The following DMD variants were observed in gnomAD, a reference collection of about 807,000 sequenced individuals.
DMD encodes the protein dystrophin.
Under a neutral mutation model 330.1 loss-of-function variants are expected in DMD, and 63 were observed. The observed-to-expected ratio is 0.19, with a 90% CI of 0.16 to 0.24. DMD has a LOEUF of 0.24. Ranked by LOEUF, DMD falls within the 10% of genes least tolerant of loss-of-function variation. DMD has a pLI of 1.00. For synonymous variants in DMD, 1,223 were observed against 959.8 expected (o/e 1.27, Z -5.07); for missense variants, 3,344 against 2,684.1 (o/e 1.25, Z -5.43).
chrX:32,928,322 T>C (rs1299549528), intron 2 of DMD, among the ~76,000 whole-genome samples: 9 of 110,473 alleles, frequency 8.1e-5, no homozygotes. Flanking sequence ...ACTTTGTGAA[T>C]ATGTATGCTC....
At chrX:31,624,662 T>C (rs1314666372) in intron 55 of DMD, among the ~76,000 whole-genome samples, 1 of 111,863 alleles carries the variant, frequency 8.9e-6, no homozygotes, top group Non-Finnish European at 1.9e-5. Flanking sequence ...TCAAAATCTG[T>C]TGGCAGAGCT....
At chrX:32,241,028 T>C (rs371141243) in intron 43 of DMD, among the ~76,000 whole-genome samples, 14 of 112,482 alleles carry the variant, frequency 1.2e-4, no homozygotes, top group Non-Finnish European at 1.9e-4. Flanking sequence ...TTTCATCTCA[T>C]TGACTTGATA....
At chrX:32,949,415 CAGAT>C (rs1378915356) in intron 2 of DMD, among the ~76,000 whole-genome samples, 2 of 109,526 alleles carry the variant, frequency 1.8e-5, no homozygotes, top group Non-Finnish European at 3.8e-5. Context: ...GACAGACAGA[CAGAT>C]AGGCATTTGT....
intron 7 of DMD, among the ~76,000 whole-genome samples, chrX:32,807,356 C>T (rs992626050): frequency 1.8e-5 from 2 of 110,347 alleles, no homozygotes; most frequent in Non-Finnish European, 3.8e-5. Flanking sequence ...CCTGTTTAAG[C>T]GATAAGATGC....
chrX:31,821,386 C>T (rs189558604), intron 49 of DMD, among the ~76,000 whole-genome samples: 1 of 112,221 alleles, frequency 8.9e-6, no homozygotes, highest in East Asian at 2.8e-4. Flanking sequence ...TCTATTACAC[C>T]TAATCAGTTA....
At chrX:31,511,514 G>T (rs868678459) in intron 55 of DMD, among the ~76,000 whole-genome samples, 3,445 of 79,464 alleles carry the variant, frequency 0.043, 239 homozygotes, top group African/African-American at 0.16. Context: ...CCCAGAGTGT[G>T]ATGTTCCCCT....
chrX:32,348,624 C>G, intron 37 of DMD, 96 bp from the exon 38 acceptor site: 5 of 766,207 alleles, frequency 6.5e-6, no homozygotes, highest in Non-Finnish European at 9.4e-6. Context: ...TGTTGCTAAA[C>G]TAATCACATG....
At chrX:32,556,402 G>C (rs939030641) in intron 16 of DMD, among the ~76,000 whole-genome samples, 7 of 111,596 alleles carry the variant, frequency 6.3e-5, no homozygotes, top group Non-Finnish European at 1.1e-4. Context: ...GGAAGACAAT[G>C]CGGAGATTTC....
At chrX:32,565,586 A>T (rs72468691) in intron 16 of DMD, 116 bp downstream of exon 16, 11 of 751,414 alleles carry the variant, frequency 1.5e-5, no homozygotes, top group Non-Finnish European at 2.2e-5. Flanking sequence ...ATTTAACTAA[A>T]CACAGGGCAA....
At chrX:33,010,241 T>C (rs772426888) in intron 2 of DMD, among the ~76,000 whole-genome samples, 2 of 100,017 alleles carry the variant, frequency 2.0e-5, no homozygotes, top group Non-Finnish European at 3.9e-5. Context: ...TATATGTACA[T>C]ATGTGTGTAT....
intron 20 of DMD, among the ~76,000 whole-genome samples, chrX:32,486,655 A>G (rs1428716358): frequency 9.3e-6 from 1 of 108,016 alleles, no homozygotes; most frequent in African/African-American, 3.4e-5. Flanking sequence ...AAACAGAGAT[A>G]TAGATCAATG....
At chrX:32,758,893 C>G (rs923024688) in intron 7 of DMD, among the ~76,000 whole-genome samples, 1 of 111,733 alleles carries the variant, frequency 8.9e-6, no homozygotes, top group Non-Finnish European at 1.9e-5. Flanking sequence ...ACAAAACAGA[C>G]ATGTAAAATG....
intron 63 of DMD, among the ~76,000 whole-genome samples, chrX:31,234,540 A>G (rs1370829706): frequency 1.8e-5 from 2 of 112,412 alleles, no homozygotes; most frequent in East Asian, 5.5e-4. Context: ...CTGCATTTAA[A>G]ATCATCAGTT....
At chrX:32,476,697 C>T (rs978491305) in intron 21 of DMD, among the ~76,000 whole-genome samples, 3 of 111,236 alleles carry the variant, frequency 2.7e-5, no homozygotes, top group Non-Finnish European at 5.7e-5. Flanking sequence ...AATTCTAAAT[C>T]TGTTTCAGAT....
chrX:31,780,477 A>G (rs2090953371), intron 50 of DMD, among the ~76,000 whole-genome samples: 1 of 112,105 alleles, frequency 8.9e-6, no homozygotes, highest in Non-Finnish European at 1.9e-5. Flanking sequence ...ATTTAATACT[A>G]TGGGGTATAA....
At position 32,300,569 on chromosome X, in the gene DMD, T is replaced by C. The variant is rs1035949357; in HGVS notation, c.6117+9513A>G. On this transcript the variant is annotated intron_variant, in intron 42 of 78. Transcript: ENST00000357033. ...AGCACTAAGTAAATTGAAAACAATT[T>C]TACCAGTCCTTTTATGATACGTACA... Among the ~76,000 whole-genome samples, 3 of 111,805 alleles carry C rather than the reference T, an allele frequency of 2.7e-5. No homozygotes were observed. In the Admixed American group the frequency reaches 2.9e-4, roughly 11 times the overall value.
At chrX:32,726,419 G>T (rs2066889779) in intron 7 of DMD, among the ~76,000 whole-genome samples, 1 of 111,252 alleles carries the variant, frequency 9.0e-6, no homozygotes, top group African/African-American at 3.3e-5. Flanking sequence ...CTACTTGATG[G>T]TCATGTGACT....
intron 1 of DMD, among the ~76,000 whole-genome samples, chrX:33,328,336 T>C (rs892230803): frequency 9.0e-6 from 1 of 110,586 alleles, no homozygotes; most frequent in Non-Finnish European, 1.9e-5. Context: ...CCCGAGTAGC[T>C]GGGACTACAG....
chrX:32,085,332 A>G (rs1227776337), intron 44 of DMD, among the ~76,000 whole-genome samples: 1 of 109,192 alleles, frequency 9.2e-6, no homozygotes, highest in Non-Finnish European at 1.9e-5. Flanking sequence ...TACAAGTGCA[A>G]TTTTATTATG....
Sources: gnomAD v4.1 joint callset for allele counts (sites outside exome capture counted in the v4.1 genomes callset) on GRCh38, gnomAD v4.1.1 for gene constraint, MANE v1.5 for transcripts, NCBI Gene and HGNC (gene_info 2026-07-23, HGNC 2026-07-21) for gene names.